Variants in SLC16A1 observed in about 807,000 individuals in gnomAD.
SLC16A1 encodes the protein solute carrier family 16 member 1, also known as monocarboxylate transporter 1.
Under a neutral mutation model 32.2 loss-of-function variants are expected in SLC16A1, and 11 were observed. The ratio of observed to expected loss-of-function variants is 0.34; its 90% CI spans 0.21 to 0.56. The LOEUF (loss-of-function observed/expected upper bound fraction) is 0.56, where lower values mean the gene tolerates loss of function less well. SLC16A1 is among the 20% of genes least tolerant of loss of function. The probability of loss-of-function intolerance (pLI) is 0.87; values close to 1 mark genes in which losing one functional copy is unlikely to be tolerated. For missense variants in SLC16A1, 435 were observed against 615.0 expected (o/e 0.71, Z 3.10); for synonymous variants, 231 against 226.8 (o/e 1.02, Z -0.17).
intron 1 of SLC16A1, among the ~76,000 whole-genome samples, chr1:112,942,824 T>C (rs1018494990): frequency 1.2e-4 from 18 of 152,226 alleles, no homozygotes; most frequent in African/African-American, 3.9e-4. Flanking sequence ...AATCCTCTTG[T>C]ACAGTAGTTG....
intron 1 of SLC16A1, among the ~76,000 whole-genome samples, chr1:112,952,306 G>A (rs531135954): frequency 6.6e-6 from 1 of 152,158 alleles, no homozygotes; most frequent in Non-Finnish European, 1.5e-5. Flanking sequence ...AATTGCCATT[G>A]AAAGTAATGG....
chr1:112,937,077 G>A (rs1056490909), intron 1 of SLC16A1, among the ~76,000 whole-genome samples: 8 of 151,822 alleles, frequency 5.3e-5, no homozygotes, highest in African/African-American at 1.9e-4. Flanking sequence ...CTTCTTCTAA[G>A]TATGAAAAAA....
intron 1 of SLC16A1, among the ~76,000 whole-genome samples, chr1:112,947,008 T>C (rs757566222): frequency 5.3e-5 from 8 of 152,238 alleles, no homozygotes; most frequent in Admixed American, 2.0e-4. Flanking sequence ...CTTTCACATA[T>C]TAATTTATTT....
rs749062304 is a variant in SLC16A1 at position 112,917,239 on chromosome 1, G to A, written c.1167C>T (p.Ser389=). 7.4e-5 allele frequency: 119 copies of A among 1,614,028 alleles called. 1 individual carries two copies. The South Asian group carries it at 1.1e-3, about 15-fold the overall frequency. ...MDLVGPQRFS[S]AVGLVTIVEC... ...CCACAATGGTCACCAATCCCACAGC[G>A]CTGGAGAACCTCTGGGGTCCAACAA... is the stretch of plus-strand genomic sequence containing the variant. Residue 389 remains serine, a synonymous_variant, in exon 4 of 5, where the codon AGC becomes AGT. Coordinates refer to ENST00000369626, the MANE Select transcript of SLC16A1 (RefSeq NM_003051.4). The surrounding 1 kb of genome is among the most constrained non-coding windows in gnomAD (Gnocchi z 4.1).
At chr1:112,935,119 T>C (rs1649254977) in intron 1 of SLC16A1, among the ~76,000 whole-genome samples, 1 of 152,026 alleles carries the variant, frequency 6.6e-6, no homozygotes, top group Non-Finnish European at 1.5e-5. Context: ...GAACTAGAAA[T>C]GGAAAGTAAA....
chr1:112,914,524 C>A (rs113831880), intron 4 of SLC16A1, among the ~76,000 whole-genome samples: 3,972 of 152,272 alleles, frequency 0.026, 81 homozygotes, highest in Non-Finnish European at 0.041. Context: ...ATAGTGCTGT[C>A]CCATTTACCC....
intron 2 of SLC16A1, chr1:112,923,417 G>C (rs1340758169): frequency 3.0e-6 from 2 of 656,562 alleles, no homozygotes; most frequent in Admixed American, 4.3e-5. Flanking sequence ...TCCTGTTGCC[G>C]CCATCATGTC....
chr1:112,938,795 TA>T (rs1385867520), intron 1 of SLC16A1, among the ~76,000 whole-genome samples: 1 of 152,090 alleles, frequency 6.6e-6, no homozygotes, highest in African/African-American at 2.4e-5. Context: ...TTATAATCCC[TA>T]AAAAAATCAG....
At chr1:112,940,617 T>C (rs1395709530) in intron 1 of SLC16A1, among the ~76,000 whole-genome samples, 3 of 152,250 alleles carry the variant, frequency 2.0e-5, no homozygotes, top group South Asian at 2.1e-4. Context: ...GTATTAATTA[T>C]AGAAAAAAGC....
chr1:112,932,578 C>A (rs983967755), intron 1 of SLC16A1, among the ~76,000 whole-genome samples: 1 of 151,460 alleles, frequency 6.6e-6, no homozygotes, highest in Non-Finnish European at 1.5e-5. Flanking sequence ...CTGAGGCGGG[C>A]GGATCACAAG....
chr1:112,946,350 T>A (rs182865322), intron 1 of SLC16A1, among the ~76,000 whole-genome samples: 103 of 152,138 alleles, frequency 6.8e-4, no homozygotes, highest in African/African-American at 2.4e-3. Context: ...GGCAGGCGGA[T>A]CCACTTGAGT....
At chr1:112,916,270 C>T (rs1002513735) in intron 4 of SLC16A1, among the ~76,000 whole-genome samples, 5 of 149,538 alleles carry the variant, frequency 3.3e-5, no homozygotes, top group East Asian at 4.0e-4. Flanking sequence ...GAGGCCAAGG[C>T]GGGTGGACCA....
intron 1 of SLC16A1, among the ~76,000 whole-genome samples, chr1:112,931,369 G>C (rs1325416289): frequency 6.6e-6 from 1 of 152,046 alleles, no homozygotes; most frequent in Non-Finnish European, 1.5e-5. Flanking sequence ...TTTTAGGCCA[G>C]GCGCAGTGGC....
At chr1:112,952,579 T>A (rs1056530129) in intron 1 of SLC16A1, among the ~76,000 whole-genome samples, 18 of 152,222 alleles carry the variant, frequency 1.2e-4, no homozygotes, top group Admixed American at 1.2e-3. Context: ...TCGAGAGTTA[T>A]CTTTCAGATA....
At chr1:112,937,912 C>T (rs1009752462) in intron 1 of SLC16A1, among the ~76,000 whole-genome samples, 6 of 152,078 alleles carry the variant, frequency 3.9e-5, no homozygotes, top group African/African-American at 9.7e-5. Context: ...TTGGCAATGA[C>T]GGTGATAAGA....
chr1:112,921,963 C>G (rs1218060070), intron 3 of SLC16A1, 27 bp downstream of exon 3: 1 of 1,612,756 alleles, frequency 6.2e-7, no homozygotes, highest in Admixed American at 1.7e-5. Flanking sequence ...TAAACTAATG[C>G]TTCCAAATGA....
Position 112,934,332 on chromosome 1 carries a change from A to G in SLC16A1, c.-44-4980T>C, listed in dbSNP as rs756172072. Among the ~76,000 whole-genome samples the G allele has an allele frequency of 2.0e-5, 3 of 152,242 alleles. 1 individual carries two copies. The highest frequency in any genetic ancestry group is 4.4e-5 in the Non-Finnish European group (3 of 68,044). On this transcript the variant is annotated intron_variant, in intron 1 of 4. Transcript: ENST00000369626. ...CAAAATCTGAAAAAATCTGAAATCC[A>G]GAACACATTTTATCCCAGGCATTTT...
At chr1:112,924,154 G>A in intron 2 of SLC16A1, 2 of 1,462,214 alleles carry the variant, frequency 1.4e-6, no homozygotes, top group South Asian at 1.1e-5. Flanking sequence ...GCTGCCCTCT[G>A]GTGGATGTAC....
intron 2 of SLC16A1, among the ~76,000 whole-genome samples, chr1:112,924,743 G>A (rs1214505504): frequency 6.6e-6 from 1 of 152,086 alleles, no homozygotes; most frequent in Non-Finnish European, 1.5e-5. Flanking sequence ...CAGGGGCCAG[G>A]TATGGTGGTG....
Sources: allele counts gnomAD v4.1 joint callset (sites outside exome capture counted in the v4.1 genomes callset), GRCh38; gene constraint gnomAD v4.1.1; non-coding constraint Gnocchi (gnomAD v3.1); transcripts MANE v1.5; gene names NCBI Gene and HGNC (gene_info 2026-07-23, HGNC 2026-07-21).